The following SPATA13 variants were observed in gnomAD, a reference collection of about 807,000 sequenced individuals.
The protein encoded by SPATA13 is spermatogenesis-associated protein 13.
In SPATA13, 50 loss-of-function variants were observed where a neutral mutation model predicts 104.0. The observed-to-expected ratio is 0.48, with a 90% confidence interval of 0.38 to 0.61. The LOEUF (loss-of-function observed/expected upper bound fraction) is 0.61, where lower values mean the gene tolerates loss of function less well. Ranked by LOEUF, SPATA13 falls within the 20% of genes least tolerant of loss-of-function variation. The pLI is 0.00. For missense variants in SPATA13, 1,524 were observed against 1,690.6 expected, an observed-to-expected ratio of 0.90 and a Z score of 1.73; for synonymous variants, 606 against 667.5, an observed-to-expected ratio of 0.91 and a Z score of 1.42.
At chr13:24,181,707 G>A (rs951335226) in intron 1 of SPATA13, among the ~76,000 whole-genome samples, 1 of 150,364 alleles carries the variant, frequency 6.7e-6, no homozygotes, top group African/African-American at 2.4e-5. Flanking sequence ...TAATAATAAC[G>A]CCTTCTTCTG....
At chr13:24,278,762 T>G (rs1205526454) in intron 4 of SPATA13, 1 of 1,597,092 alleles carries the variant, frequency 6.3e-7, no homozygotes, top group South Asian at 1.1e-5. Context: ...GACCAAGGAC[T>G]CATACTCAAA....
chr13:24,245,731 A>G (rs1873098081), intron 2 of SPATA13, among the ~76,000 whole-genome samples: 1 of 151,772 alleles, frequency 6.6e-6, no homozygotes, highest in Non-Finnish European at 1.5e-5. Flanking sequence ...AGCTGGGACG[A>G]CAGGCACATA....
chr13:24,095,366 A>G (rs1048333575), intron 3 of SPATA13, among the ~76,000 whole-genome samples: 1 of 152,204 alleles, frequency 6.6e-6, no homozygotes, highest in Non-Finnish European at 1.5e-5. Flanking sequence ...AGAGTAGTCA[A>G]AATCATAGAG....
At chr13:24,243,719 G>A (rs2138648815) in intron 2 of SPATA13, among the ~76,000 whole-genome samples, 1 of 152,238 alleles carries the variant, frequency 6.6e-6, no homozygotes, top group South Asian at 2.1e-4. Flanking sequence ...AGTTTTCATT[G>A]CAGTCCTCTG....
chr13:24,001,231 G>C (rs17079726), intron 2 of SPATA13, among the ~76,000 whole-genome samples: 28,625 of 152,112 alleles, frequency 0.19, 3,305 homozygotes, highest in South Asian at 0.28. Context: ...GAACACGGGG[G>C]AAAGTAACAG....
chr13:24,049,644 T>C (rs913836013), intron 3 of SPATA13, among the ~76,000 whole-genome samples: 2 of 152,114 alleles, frequency 1.3e-5, no homozygotes, highest in Non-Finnish European at 2.9e-5. Context: ...GAGTCTGTAA[T>C]ATACATGCAA....
At chr13:24,081,494 G>A (rs1879513765) in intron 3 of SPATA13, among the ~76,000 whole-genome samples, 1 of 151,648 alleles carries the variant, frequency 6.6e-6, no homozygotes, top group South Asian at 2.1e-4. Flanking sequence ...GAGGCTGTAG[G>A]TCTCATTCTA....
intron 4 of SPATA13, among the ~76,000 whole-genome samples, chr13:24,256,932 C>A (rs1299689654): frequency 1.3e-5 from 2 of 152,232 alleles, no homozygotes; most frequent in Non-Finnish European, 2.9e-5. Flanking sequence ...AGGATGCCCA[C>A]ACTGCTAGAA....
intron 3 of SPATA13, among the ~76,000 whole-genome samples, chr13:24,049,249 G>A (rs4769313): frequency 0.47 from 70,710 of 151,984 alleles, 18,579 homozygotes; most frequent in East Asian, 0.64. Flanking sequence ...CTCGCCTACA[G>A]GACAGCAGCC....
chr13:24,277,094 A>T (rs575819671), intron 4 of SPATA13, among the ~76,000 whole-genome samples: 2 of 152,350 alleles, frequency 1.3e-5, no homozygotes, highest in East Asian at 3.9e-4. Flanking sequence ...TTTTGTTATG[A>T]AGCAATAGAC....
intron 3 of SPATA13, among the ~76,000 whole-genome samples, chr13:24,132,274 C>A (rs944905822): frequency 6.6e-6 from 1 of 152,190 alleles, no homozygotes; most frequent in African/African-American, 2.4e-5. Context: ...TGACTTCCCC[C>A]AAAAAATCTT....
intron 1 of SPATA13, among the ~76,000 whole-genome samples, chr13:24,174,623 C>T (rs770852503): frequency 6.6e-6 from 1 of 152,090 alleles, no homozygotes; most frequent in Non-Finnish European, 1.5e-5. Context: ...GTCACCCAGA[C>T]TGGAGTATAG....
chr13:24,251,640 G>C, intron 3 of SPATA13, 78 bp from the exon 4 acceptor site: 9 of 1,559,938 alleles, frequency 5.8e-6, no homozygotes, highest in South Asian at 1.2e-5. Flanking sequence ...TTCGAGGTGA[G>C]AGCGCTATGC....
upstream of SPATA13, chr13:24,160,627 G>A: frequency 2.6e-6 from 2 of 769,122 alleles, no homozygotes; most frequent in Non-Finnish European, 1.6e-6. Context: ...GAGGGAGTGA[G>A]CTAACCGGGG....
intron 4 of SPATA13, among the ~76,000 whole-genome samples, chr13:24,255,981 T>G (rs1440310388): frequency 2.0e-5 from 3 of 152,250 alleles, no homozygotes; most frequent in Non-Finnish European, 2.9e-5. Flanking sequence ...AAGTCCTTGT[T>G]TGTTATACAC....
chr13:24,206,025 T>G (rs1221319077), intron 1 of SPATA13, among the ~76,000 whole-genome samples: 1 of 152,088 alleles, frequency 6.6e-6, no homozygotes, highest in East Asian at 1.9e-4. Flanking sequence ...TGAGCAAAGA[T>G]TTCATGGTGA....
intron 1 of SPATA13, among the ~76,000 whole-genome samples, chr13:24,189,695 A>ATTATATATATTTATATATATAATATG: frequency 1.5e-4 from 1 of 6,840 alleles, no homozygotes; most frequent in African/African-American, 1.9e-4. Flanking sequence ...TATATAATAT[A>ATTATATATATTTATATATATAATATG]TAATATATTA....
rs1325246379 is a variant in SPATA13 at position 24,189,964 on chromosome 13, TA to T, written c.-112+29036del. Among the ~76,000 whole-genome samples, 21 of 92,558 alleles carry T rather than the reference TA, an allele frequency of 2.3e-4. 7 individuals carry two copies. The highest frequency in any genetic ancestry group is 9.5e-5 in the Non-Finnish European group (5 of 52,758). 60.7% of individuals were successfully genotyped at this position (92,558 alleles called of 152,430 possible). ...TATTACATAATATATTATATAATTA[TA>T]AAATATATATTATATAAATAATTAT... On this transcript the variant is annotated intron_variant, in intron 1 of 12. Transcript: ENST00000382108.
rs1272647872 is a variant in SPATA13, at chr13:24,290,679, T to C, written c.2875T>C (p.Tyr959His). The C allele has an allele frequency of 6.2e-7, 1 of 1,614,176 alleles. No homozygotes were observed. The highest frequency in any genetic ancestry group is 2.2e-5 in the East Asian group (1 of 44,888). The change falls in exon 9 of 13, where the codon TAC becomes CAC. Residue 959 changes from tyrosine to histidine, a missense_variant. Tyr to His is a moderately conservative substitution (Grantham distance 83). Coordinates refer to ENST00000382108, the MANE Select transcript of SPATA13 (RefSeq NM_001166271.3). The stretch of plus-strand genomic sequence containing the variant: ...AGAGGGCTTTGCCATCTATTCCGAG[T>C]ACTGCAACAACCACCCGGGCGCCTG... Reference protein sequence around the residue: ...NQEGFAIYSEYCNNHPGACLE... With the variant: ...NQEGFAIYSEHCNNHPGACLE...
Sources: allele counts gnomAD v4.1 joint callset (sites outside exome capture counted in the v4.1 genomes callset), GRCh38; gene constraint gnomAD v4.1.1; transcripts MANE v1.5; gene names NCBI Gene and HGNC (gene_info 2026-07-23, HGNC 2026-07-21).